Variants in PALS1 observed in about 807,000 individuals in gnomAD.
The protein encoded by PALS1 is protein PALS1.
A neutral mutation model predicts 78.9 loss-of-function variants in PALS1; 31 were observed. The ratio of observed to expected loss-of-function variants is 0.39; its 90% CI spans 0.30 to 0.53. The LOEUF is 0.53. Among genes scored for constraint, PALS1 ranks in the 20% least tolerant of loss-of-function variants. The probability of loss-of-function intolerance (pLI) is 0.67; values close to 1 mark genes in which losing one functional copy is unlikely to be tolerated. For synonymous variants in PALS1, 276 were observed against 270.9 expected, an observed-to-expected ratio of 1.02 and a Z score of -0.18; for missense variants, 704 against 826.5, an observed-to-expected ratio of 0.85 and a Z score of 1.82.
chr14:67,313,074 C>G (rs914118118), intron 9 of PALS1, among the ~76,000 whole-genome samples: 1 of 152,070 alleles, frequency 6.6e-6, no homozygotes, highest in Admixed American at 6.6e-5. Context: ...AGATGCATAA[C>G]TTTATAAGGA....
Position 67,302,569 on chromosome 14 carries a change from T to C in PALS1, c.961T>C (p.Leu321=). Reference sequence around the variant, plus strand: ...AGATGTCAATGAGGTTTTTGACTTGTTGGTAAGTTGACGCAGCTAGAAGAA... The same window carrying C: ...AGATGTCAATGAGGTTTTTGACTTGCTGGTAAGTTGACGCAGCTAGAAGAA... ...GKDVNEVFDL[L]SDMHGTLTFV... The change falls in exon 7 of 15, where the codon TTG becomes CTG. Residue 321 remains leucine (L), a splice_region_variant and synonymous_variant. Transcript: ENST00000261681. 1.3e-6 allele frequency: 2 copies of C among 1,492,986 alleles called. No homozygotes were observed. The highest frequency in any genetic ancestry group is 1.8e-6 in the Non-Finnish European group (2 of 1,119,014). The allele number at this position is 1,492,986 out of a possible 1,614,324, so 92.5% of individuals were successfully genotyped here. A position where few individuals can be genotyped will look rare whatever the true frequency, so the allele number is the denominator to read the frequency against.
intron 1 of PALS1, among the ~76,000 whole-genome samples, chr14:67,246,256 G>A (rs1337617919): frequency 6.6e-6 from 1 of 150,966 alleles, no homozygotes; most frequent in Admixed American, 6.6e-5. Context: ...ATCCTCCCAA[G>A]TAGCTGGGAC....
In PALS1 at chr14:67,279,474, C is replaced by G; in HGVS notation, c.304C>G (p.Pro102Ala). 1 of 1,603,320 alleles carries G rather than the reference C, an allele frequency of 6.2e-7. No homozygotes were observed. Among genetic ancestry groups the G allele is most frequent in the African/African-American group, 1.3e-5 (1 of 74,390 alleles). ...TCCTCCAAAGACCGGAATAGATAAC[C>G]CTATGTTTGATACAGAGGAAGGAAT... ...QIPPKTGIDN[P>A]MFDTEEGIVL... The change falls in exon 3 of 15, where the codon CCT (proline) becomes GCT (alanine). Residue 102 changes from proline to alanine, a missense_variant. Coordinates refer to ENST00000261681, the MANE Select transcript of PALS1 (RefSeq NM_022474.4).
At chr14:67,321,520 A>G (rs969448253) in intron 13 of PALS1, among the ~76,000 whole-genome samples, 6 of 152,318 alleles carry the variant, frequency 3.9e-5, no homozygotes, top group Middle Eastern at 3.4e-3. Flanking sequence ...TTTGAATTTC[A>G]GAATTTCTCA....
intron 4 of PALS1, among the ~76,000 whole-genome samples, chr14:67,298,099 A>G (rs1011062429): frequency 4.6e-5 from 7 of 152,070 alleles, no homozygotes; most frequent in Admixed American, 3.9e-4. Flanking sequence ...GAAAAGACGA[A>G]AGAATCAGAT....
intron 3 of PALS1, among the ~76,000 whole-genome samples, chr14:67,291,372 C>T (rs1298083255): frequency 1.3e-5 from 2 of 151,914 alleles, no homozygotes; most frequent in African/African-American, 4.8e-5. Context: ...GGATTACAGG[C>T]GCCTGCCACT....
intron 1 of PALS1, among the ~76,000 whole-genome samples, chr14:67,259,675 C>T (rs770569641): frequency 3.3e-5 from 5 of 152,034 alleles, no homozygotes; most frequent in Non-Finnish European, 5.9e-5. Flanking sequence ...CCCTGAGAGG[C>T]TGAGGCAGGA....
At chr14:67,310,987 C>T (rs2085080321) in intron 8 of PALS1, among the ~76,000 whole-genome samples, 2 of 152,124 alleles carry the variant, frequency 1.3e-5, no homozygotes, top group Admixed American at 6.6e-5. Context: ...ACTTTTATTA[C>T]ATATAACCTC....
chr14:67,292,637 T>C lies in PALS1; in HGVS notation c.494T>C (p.Ile165Thr). The change falls in exon 4 of 15, where the codon ATA (isoleucine) becomes ACA (threonine). Residue 165 changes from isoleucine (I) to threonine (T), a missense_variant. Physicochemically the swap from Ile to Thr is moderately conservative, Grantham distance 89. Transcript: ENST00000261681. ...AAGGATTTCCAGAATGCATTTAAGATACACAATGCCATCACAGTACACATG... is the reference window on the plus strand; with the variant it reads ...AAGGATTTCCAGAATGCATTTAAGACACACAATGCCATCACAGTACACATG... Reference protein sequence around the residue: ...QNKDFQNAFKIHNAITVHMNK... With the variant: ...QNKDFQNAFKTHNAITVHMNK... The C allele has an allele frequency of 6.2e-7, 1 of 1,613,850 alleles. No individual in the cohort carries two copies. Among genetic ancestry groups the C allele is most frequent in the Non-Finnish European group, 8.5e-7 (1 of 1,179,810 alleles).
In PALS1 at chr14:67,311,571, A is replaced by G. The variant is rs946160702; in HGVS notation, c.1042-956A>G. On this transcript the variant is annotated intron_variant, in intron 8 of 14. Coordinates refer to ENST00000261681, the MANE Select transcript of PALS1 (RefSeq NM_022474.4). ...TGCCCAGGTTAGGTAAAAATTAGAC[A>G]TGGGGAAATTAAAGAGAATTTTAAT... 3.9e-5 allele frequency among the ~76,000 whole-genome samples: 6 copies of G among 152,316 alleles called. No homozygotes were observed. In the East Asian group the frequency reaches 7.7e-4, roughly 20 times the overall value.
rs1202905549 is a variant in PALS1, at chr14:67,335,984, G to A, written c.*3028G>A. On this transcript the variant is annotated 3_prime_UTR_variant, in exon 15 of 15. Transcript: ENST00000261681. ...TTACAGAGGGATAGTGCCCCCTGTT[G>A]GCACAGGTATAGGTAGGTCCTGTTT... 6.6e-6 allele frequency among the ~76,000 whole-genome samples: 1 copy of A among 152,212 alleles called. No homozygotes were observed. Among genetic ancestry groups the A allele is most frequent in the Admixed American group, 6.5e-5 (1 of 15,292 alleles).
intron 3 of PALS1, among the ~76,000 whole-genome samples, chr14:67,290,253 G>A (rs140653867): frequency 4.0e-3 from 603 of 152,092 alleles, no homozygotes; most frequent in Middle Eastern, 0.014. Context: ...TACAATAGTC[G>A]AGAAACTTTT....
intron 2 of PALS1, among the ~76,000 whole-genome samples, chr14:67,272,919 C>T (rs893596714): frequency 2.0e-5 from 3 of 152,138 alleles, no homozygotes; most frequent in African/African-American, 7.2e-5. Flanking sequence ...TCCACAGCCT[C>T]AGCCTCAGCC....
At chr14:67,284,918 A>G (rs1490292888) in intron 3 of PALS1, among the ~76,000 whole-genome samples, 2 of 151,890 alleles carry the variant, frequency 1.3e-5, no homozygotes, top group Non-Finnish European at 2.9e-5. Context: ...TTTTATTTTT[A>G]TTTTTATTTT....
intron 2 of PALS1, chr14:67,271,415 T>A (rs1197628121): frequency 6.6e-6 from 1 of 152,276 alleles, no homozygotes; most frequent in African/African-American, 2.4e-5. Context: ...CTGGGCAATG[T>A]TACGGATTCA....
chr14:67,284,415 T>A (rs541882753), intron 3 of PALS1, among the ~76,000 whole-genome samples: 1 of 111,194 alleles, frequency 9.0e-6, no homozygotes, highest in African/African-American at 5.1e-5. Flanking sequence ...TTGGGCAACA[T>A]AGACCCTATC....
intron 1 of PALS1, among the ~76,000 whole-genome samples, chr14:67,250,349 CA>C (rs1343824018): frequency 6.6e-6 from 1 of 152,104 alleles, no homozygotes; most frequent in Non-Finnish European, 1.5e-5. Context: ...CATTTATGCT[CA>C]GAAGTACTAG....
rs1438211667 is a variant in PALS1 at position 67,335,972 on chromosome 14, G to T, written c.*3016G>T. Among the ~76,000 whole-genome samples the T allele has an allele frequency of 7.0e-6, 1 of 143,154 alleles. No homozygotes were observed. The highest frequency in any genetic ancestry group is 1.6e-5 in the Non-Finnish European group (1 of 63,272). The allele number at this position is 143,154 out of a possible 152,430, so 93.9% of individuals were successfully genotyped here. On this transcript the variant is annotated 3_prime_UTR_variant, in exon 15 of 15. Coordinates refer to ENST00000261681, the MANE Select transcript of PALS1 (RefSeq NM_022474.4). ...TTGATTTGTTCTTTACAGAGGGATAGTGCCCCCTGTTGGCACAGGTATAGG... is the reference window on the plus strand; with the variant it reads ...TTGATTTGTTCTTTACAGAGGGATATTGCCCCCTGTTGGCACAGGTATAGG...
intron 9 of PALS1, among the ~76,000 whole-genome samples, chr14:67,315,050 G>GTGAGCTTT (rs974746115): frequency 6.6e-6 from 1 of 152,162 alleles, no homozygotes; most frequent in Non-Finnish European, 1.5e-5. Context: ...TGAGGCTGCA[G>GTGAGCTTT]TGAGCTTTGA....
Sources: allele counts gnomAD v4.1 joint callset (sites outside exome capture counted in the v4.1 genomes callset), GRCh38; gene constraint gnomAD v4.1.1; transcripts MANE v1.5; gene names NCBI Gene and HGNC (gene_info 2026-07-23, HGNC 2026-07-21).